ALOX5: variants seen among roughly 807,000 people sequenced by gnomAD.
The protein encoded by ALOX5 is polyunsaturated fatty acid 5-lipoxygenase.
ALOX5 carries 64 observed loss-of-function variants against 87.9 expected under a neutral mutation model. The observed-to-expected ratio is 0.73, with a 90% CI of 0.60 to 0.90. The LOEUF is 0.90. Ranked by LOEUF, ALOX5 falls within the 40% of genes least tolerant of loss-of-function variation. The probability of loss-of-function intolerance (pLI) is 0.00; values close to 1 mark genes in which losing one functional copy is unlikely to be tolerated. For missense variants in ALOX5, 822 were observed against 907.5 expected (o/e 0.91, Z 1.21); for synonymous variants, 388 against 355.1 (o/e 1.09, Z -1.04).
chr10:45,440,296 C>A (rs3780914), intron 7 of ALOX5, 134 bp from the exon 8 acceptor site: 7 of 942,016 alleles, frequency 7.4e-6, no homozygotes, highest in Non-Finnish European at 1.1e-5. Context: ...TTACCCCCTC[C>A]AGGCTCTTCT....
In ALOX5 at chr10:45,422,514, C is replaced by T. The variant is rs1216625836; in HGVS notation, c.555-1527C>T. Among the ~76,000 whole-genome samples, 3 of 152,204 alleles carry T rather than the reference C, an allele frequency of 2.0e-5. No individual in the cohort carries two copies. The East Asian group carries it at 5.8e-4, about 29-fold the overall frequency. On this transcript the variant is annotated intron_variant, in intron 4 of 13. Coordinates refer to ENST00000374391, the MANE Select transcript of ALOX5 (RefSeq NM_000698.5). ...CACAGTCCCCTGCACCAGGTGAGGT[C>T]ACCTCTTAGTCCATGAGGCGATGCT...
At chr10:45,434,767 CAAAG>C (rs1842012265) in intron 7 of ALOX5, among the ~76,000 whole-genome samples, 1 of 152,120 alleles carries the variant, frequency 6.6e-6, no homozygotes, top group Non-Finnish European at 1.5e-5. Flanking sequence ...GTGAGCAAAA[CAAAG>C]AGACAGATGT....
intron 4 of ALOX5, 96 bp downstream of exon 4, chr10:45,412,409 T>G: frequency 6.6e-7 from 1 of 1,515,148 alleles, no homozygotes; most frequent in Non-Finnish European, 9.0e-7. Context: ...GTCCTTGGGT[T>G]GGGGGAACAG....
chr10:45,423,762 G>A (rs553618885), intron 4 of ALOX5, among the ~76,000 whole-genome samples: 1 of 152,304 alleles, frequency 6.6e-6, no homozygotes, highest in Admixed American at 6.5e-5. Flanking sequence ...GCAAGTGCCC[G>A]ATGAGTGAAT....
At chr10:45,441,641 T>C in intron 9 of ALOX5, 1 of 521,166 alleles carries the variant, frequency 1.9e-6, no homozygotes, top group South Asian at 3.0e-5. Flanking sequence ...GTCTTCCTTC[T>C]CACTGATGGC....
chr10:45,405,897 C>T (rs1255743629), intron 3 of ALOX5, among the ~76,000 whole-genome samples: 1 of 152,180 alleles, frequency 6.6e-6, no homozygotes, highest in African/African-American at 2.4e-5. Context: ...CGCCACCATG[C>T]CCCACTCCTG....
intron 2 of ALOX5, among the ~76,000 whole-genome samples, chr10:45,384,018 A>G (rs1331250320): frequency 1.3e-5 from 2 of 152,300 alleles, no homozygotes; most frequent in East Asian, 3.9e-4. Context: ...CAGATGGTAC[A>G]CTAGGATGAG....
At chr10:45,442,757 T>C (rs1370826749) in intron 9 of ALOX5, 3 of 430,202 alleles carry the variant, frequency 7.0e-6, no homozygotes, top group Non-Finnish European at 1.2e-5. Context: ...CCACGCCTGC[T>C]GCCCTCCTGT....
intron 1 of ALOX5, 125 bp downstream of exon 1, chr10:45,374,554 TC>T: frequency 1.1e-6 from 1 of 929,982 alleles, no homozygotes; most frequent in Non-Finnish European, 1.4e-6. Flanking sequence ...ACTGGGGGTG[TC>T]CAGGACCCTG....
chr10:45,387,624 A>G (rs555805418), intron 2 of ALOX5, among the ~76,000 whole-genome samples: 24 of 152,296 alleles, frequency 1.6e-4, no homozygotes, highest in African/African-American at 5.3e-4. Flanking sequence ...TTAGGCATGT[A>G]CTGTGCCTGC....
At chr10:45,386,167 G>T (rs908001981) in intron 2 of ALOX5, among the ~76,000 whole-genome samples, 1 of 152,124 alleles carries the variant, frequency 6.6e-6, no homozygotes, top group Non-Finnish European at 1.5e-5. Context: ...TGGATGTGGT[G>T]GTGGGCAACT....
chr10:45,442,951 C>G (rs890918317), intron 9 of ALOX5, 87 bp from the exon 10 acceptor site: 1 of 1,431,628 alleles, frequency 7.0e-7, no homozygotes, highest in African/African-American at 1.4e-5. Flanking sequence ...CTGGCCTCCT[C>G]GCCTCCCCTG....
At chr10:45,399,575 T>C (rs1003886977) in intron 3 of ALOX5, among the ~76,000 whole-genome samples, 2 of 152,172 alleles carry the variant, frequency 1.3e-5, no homozygotes, top group African/African-American at 4.8e-5. Context: ...CTTCATAATC[T>C]TGGGTTCGGC....
Position 45,427,366 on chromosome 10 carries a change from A to G in ALOX5, c.835-1252A>G, listed in dbSNP as rs1357062583. Among the ~76,000 whole-genome samples the G allele has an allele frequency of 2.6e-5, 4 of 152,256 alleles. No individual in the cohort carries two copies. In the East Asian group the frequency reaches 7.7e-4, roughly 29 times the overall value. ...GTCTCCACCTGCCCCCCTCAACACA[A>G]GGTGCCCTGAGTGCCTCCGCGGGGA... On this transcript the variant is annotated intron_variant, in intron 6 of 13. Coordinates refer to ENST00000374391, the MANE Select transcript of ALOX5 (RefSeq NM_000698.5).
Position 45,445,980 on chromosome 10 carries a change from T to G in ALOX5, c.*293T>G, listed in dbSNP as rs1186145130. 1 of 389,926 alleles carries G rather than the reference T, an allele frequency of 2.6e-6. No individual in the cohort carries two copies. Among genetic ancestry groups the G allele is most frequent in the East Asian group, 3.8e-5 (1 of 26,152 alleles). The allele number at this position is 389,926 out of a possible 1,614,324, so 24.2% of individuals were successfully genotyped here. On this transcript the variant is annotated 3_prime_UTR_variant, in exon 14 of 14. Coordinates refer to ENST00000374391, the MANE Select transcript of ALOX5 (RefSeq NM_000698.5). ...CACGACCACTGATAGATGTCTATTC[T>G]TGTTGGAGACATGGGATGATTATTT...
intron 3 of ALOX5, among the ~76,000 whole-genome samples, chr10:45,397,314 A>G (rs1275754073): frequency 2.0e-5 from 3 of 152,226 alleles, no homozygotes; most frequent in Admixed American, 2.0e-4. Context: ...CAGAAGGCGG[A>G]GGTTGCAGTG....
At chr10:45,382,187 T>TTGA (rs781471903) in intron 1 of ALOX5, among the ~76,000 whole-genome samples, 2 of 152,200 alleles carry the variant, frequency 1.3e-5, no homozygotes, top group Non-Finnish European at 2.9e-5. Flanking sequence ...AAGCGTTCAT[T>TTGA]GTACAAGATC....
intron 4 of ALOX5, among the ~76,000 whole-genome samples, chr10:45,415,344 C>T (rs1264153358): frequency 6.6e-6 from 1 of 152,120 alleles, no homozygotes; most frequent in Non-Finnish European, 1.5e-5. Context: ...GACAAAAAAC[C>T]AAACACCGCA....
Position 45,425,267 on chromosome 10 carries a change from T to C in ALOX5, c.834+135T>C. On this transcript the variant is annotated intron_variant, in intron 6 of 13. Coordinates refer to ENST00000374391, the MANE Select transcript of ALOX5 (RefSeq NM_000698.5). The surrounding 1 kb of genome is among the most constrained non-coding windows in gnomAD (Gnocchi z 4.4). ...CTGGCCTACAGCAGCCGCTTCCTTTTCCTGGCAGCAGTGTCAGCCAGGGTC... is the reference window on the plus strand; with the variant it reads ...CTGGCCTACAGCAGCCGCTTCCTTTCCCTGGCAGCAGTGTCAGCCAGGGTC... 9.3e-7 allele frequency: 1 copy of C among 1,074,908 alleles called. No individual in the cohort carries two copies. The allele number at this position is 1,074,908 out of a possible 1,614,324, so 66.6% of individuals were successfully genotyped here.
Sources: allele counts gnomAD v4.1 joint callset (sites outside exome capture counted in the v4.1 genomes callset), GRCh38; gene constraint gnomAD v4.1.1; non-coding constraint Gnocchi (gnomAD v3.1); transcripts MANE v1.5; gene names NCBI Gene and HGNC (gene_info 2026-07-23, HGNC 2026-07-21).